The following SETD2 variants were observed in gnomAD, a reference collection of about 807,000 sequenced individuals.
The protein encoded by SETD2 is histone-lysine N-methyltransferase SETD2.
A neutral mutation model predicts 242.1 loss-of-function variants in SETD2; 31 were observed. The ratio of observed to expected loss-of-function variants is 0.13; its 90% CI spans 0.10 to 0.17. The LOEUF is 0.17. Ranked by LOEUF, SETD2 falls within the 10% of genes least tolerant of loss-of-function variation. The pLI, the probability that SETD2 is intolerant of heterozygous loss-of-function variation, is 1.00. For missense variants in SETD2, 2,481 were observed against 3,046.3 expected, an observed-to-expected ratio of 0.81 and a Z score of 4.37; for synonymous variants, 1,006 against 1,066.5, an observed-to-expected ratio of 0.94 and a Z score of 1.11.
At chr3:47,114,256 T>C (rs2042768970) in intron 4 of SETD2, among the ~76,000 whole-genome samples, 1 of 152,206 alleles carries the variant, frequency 6.6e-6, no homozygotes, top group South Asian at 2.1e-4. Context: ...CACAGAAATA[T>C]CTACCACTCC....
intron 15 of SETD2, among the ~76,000 whole-genome samples, chr3:47,049,304 A>T (rs1399206217): frequency 4.6e-5 from 5 of 108,586 alleles, no homozygotes; most frequent in South Asian, 3.2e-4. Context: ...AAGTTTTCTA[A>T]ATATATATAT....
At chr3:47,032,860 C>T (rs1464298724) in intron 18 of SETD2, among the ~76,000 whole-genome samples, 4 of 151,672 alleles carry the variant, frequency 2.6e-5, no homozygotes, top group East Asian at 1.9e-4. Context: ...TGCAATGAGC[C>T]GAGATCGCAC....
At chr3:47,061,833 T>A (rs962250040) in intron 14 of SETD2, among the ~76,000 whole-genome samples, 6 of 152,218 alleles carry the variant, frequency 3.9e-5, no homozygotes, top group Admixed American at 3.9e-4. Context: ...AAGTTCTAGC[T>A]TTTAAAGAAT....
At chr3:47,022,573 G>A (rs1016319263) in intron 18 of SETD2, among the ~76,000 whole-genome samples, 4 of 152,182 alleles carry the variant, frequency 2.6e-5, no homozygotes, top group East Asian at 1.9e-4. Flanking sequence ...ATAAAAAAGC[G>A]AGTGCTTCCA....
rs2106674722 is a variant in SETD2 at position 47,122,300 on chromosome 3, A to C, written c.2336T>G (p.Val779Gly). 1 of 1,614,194 alleles carries C rather than the reference A, an allele frequency of 6.2e-7. No homozygotes were observed. The highest frequency in any genetic ancestry group is 8.5e-7 in the Non-Finnish European group (1 of 1,180,018). Residue 779 changes from valine to glycine, a missense_variant, in exon 3 of 21, where the codon GTT (valine) becomes GGT (glycine). By Grantham distance (109) the Val-to-Gly change is moderately radical. Around this residue, in one of 17 missense-constraint regions of SETD2, gnomAD observed 1,300 missense variants for 1,259.2 expected, o/e 1.03. Coordinates refer to ENST00000409792, the MANE Select transcript of SETD2 (RefSeq NM_014159.7). Reference sequence around the variant, plus strand: ...TTTGCAGCAAGAAACCCTCGTATCAACTGGTTCTTTAACTACTGTTTTGGA... The same window carrying C: ...TTTGCAGCAAGAAACCCTCGTATCACCTGGTTCTTTAACTACTGTTTTGGA... ...DYSKTVVKEP[V>G]DTRVSCCKTK... is the part of the protein sequence containing the mutation.
intron 1 of SETD2, among the ~76,000 whole-genome samples, chr3:47,146,015 CAAAAAAA>C (rs1171574770): frequency 2.3e-4 from 9 of 38,690 alleles, no homozygotes; most frequent in Admixed American, 8.3e-4. Flanking sequence ...GACCCTGTCT[CAAAAAAA>C]AAAAAAAAAA....
At chr3:47,093,079 T>C (rs1453025462) in intron 9 of SETD2, among the ~76,000 whole-genome samples, 2 of 152,148 alleles carry the variant, frequency 1.3e-5, no homozygotes, top group Non-Finnish European at 2.9e-5. Context: ...TTAATTTTAC[T>C]TTAAGTTCTG....
At chr3:47,133,730 C>T (rs769272553) in intron 1 of SETD2, among the ~76,000 whole-genome samples, 3 of 151,822 alleles carry the variant, frequency 2.0e-5, no homozygotes, top group Non-Finnish European at 4.4e-5. Flanking sequence ...GAGACCCTGT[C>T]TCAAAAAAAA....
At chr3:47,077,491 G>GTTCATT (rs2041138803) in intron 12 of SETD2, among the ~76,000 whole-genome samples, 1 of 152,094 alleles carries the variant, frequency 6.6e-6, no homozygotes, top group Non-Finnish European at 1.5e-5. Context: ...AGTTACAGAA[G>GTTCATT]GAATCTCAAA....
intron 1 of SETD2, among the ~76,000 whole-genome samples, chr3:47,160,938 A>G (rs922504991): frequency 9.2e-5 from 14 of 152,348 alleles, no homozygotes; most frequent in South Asian, 2.1e-4. Context: ...CTGCTGAATA[A>G]AAAAGACATC....
chr3:47,056,928 ACTG>A lies in SETD2; in HGVS notation c.6853_6855del (p.Gln2285del). ...GTTGCTTGAGACTGTGCAGGAGAGT[ACTG>A]CTGCTGTACACTGACAGACTGTTGG... On this transcript the variant is annotated inframe_deletion, in exon 15 of 21. Transcript: ENST00000409792. The A allele has an allele frequency of 6.2e-7, 1 of 1,613,792 alleles. No homozygotes were observed. Among genetic ancestry groups the A allele is most frequent in the Non-Finnish European group, 8.5e-7 (1 of 1,179,612 alleles).
chr3:47,151,753 G>A (rs144900673), intron 1 of SETD2, among the ~76,000 whole-genome samples: 61 of 151,618 alleles, frequency 4.0e-4, no homozygotes, highest in African/African-American at 1.2e-3. Context: ...CTTGAACCCG[G>A]GAAGCGGAGG....
In SETD2 at chr3:47,108,498, A is replaced by G. The variant is rs546619692; in HGVS notation, c.4716-2378T>C. Among the ~76,000 whole-genome samples the G allele has an allele frequency of 2.6e-3, 394 of 152,322 alleles. 2 individuals carry two copies. The highest frequency in any genetic ancestry group is 8.1e-3 in the Admixed American group (124 of 15,288). ...AGCCTGGGATTCAAACTCCACCTAA[A>G]TAACTATTTACCTCATTATATTATA... On this transcript the variant is annotated intron_variant, in intron 5 of 20. Coordinates refer to ENST00000409792, the MANE Select transcript of SETD2 (RefSeq NM_014159.7).
chr3:47,147,214 T>C (rs966860754), intron 1 of SETD2, among the ~76,000 whole-genome samples: 2 of 151,878 alleles, frequency 1.3e-5, no homozygotes, highest in Admixed American at 6.6e-5. Context: ...GGTTTCACCA[T>C]GTTGGCCAGG....
chr3:47,096,558 T>C (rs2042011718), intron 9 of SETD2, among the ~76,000 whole-genome samples: 1 of 121,378 alleles, frequency 8.2e-6, no homozygotes, highest in Admixed American at 9.9e-5. Context: ...AGCAACAGAA[T>C]GAGATTTTGC....
chr3:47,049,252 T>A (rs180712777), intron 15 of SETD2, among the ~76,000 whole-genome samples: 106 of 146,558 alleles, frequency 7.2e-4, no homozygotes, highest in African/African-American at 2.6e-3. Flanking sequence ...CCAAATATTT[T>A]TTTTATATCC....
chr3:47,149,967 C>CT (rs2043944848), intron 1 of SETD2, among the ~76,000 whole-genome samples: 1 of 147,940 alleles, frequency 6.8e-6, no homozygotes, highest in South Asian at 2.1e-4. Context: ...ACAAAAGCCT[C>CT]TATTTTTGGA....
chr3:47,158,990 C>T (rs1001449708), intron 1 of SETD2, among the ~76,000 whole-genome samples: 2 of 152,192 alleles, frequency 1.3e-5, no homozygotes, highest in Non-Finnish European at 1.5e-5. Flanking sequence ...TTTAAAAAAC[C>T]AATCAAGCCA....
Position 47,017,056 on chromosome 3 carries a change from T to C in SETD2, c.*37A>G, listed in dbSNP as rs746818602. ...GGATTTCCTCTCCCTAGAGTCTGTCTTACCTGACCACCCATCCTCCCACCC... is the reference window on the plus strand; with the variant it reads ...GGATTTCCTCTCCCTAGAGTCTGTCCTACCTGACCACCCATCCTCCCACCC... On this transcript the variant is annotated 3_prime_UTR_variant, in exon 21 of 21. Transcript: ENST00000409792. The surrounding 1 kb of genome is among the most constrained non-coding windows in gnomAD (Gnocchi z 4.8). 5.6e-6 allele frequency: 9 copies of C among 1,607,650 alleles called. No homozygotes were observed. Among genetic ancestry groups the C allele is most frequent in the African/African-American group, 1.3e-5 (1 of 74,798 alleles).
Sources: gnomAD v4.1 joint callset for allele counts (sites outside exome capture counted in the v4.1 genomes callset) on GRCh38, gnomAD v4.1.1 for gene constraint, gnomAD v4.1.1 regional missense constraint, Gnocchi (gnomAD v3.1) non-coding constraint, MANE v1.5 for transcripts, NCBI Gene and HGNC (gene_info 2026-07-23, HGNC 2026-07-21) for gene names.